The following EPSTI1 variants were observed in gnomAD, a reference collection of about 807,000 sequenced individuals.
The protein encoded by EPSTI1 is epithelial stromal interaction 1, also known as epithelial-stromal interaction protein 1.
Under a neutral mutation model 49.9 loss-of-function variants are expected in EPSTI1, and 66 were observed. The ratio of observed to expected loss-of-function variants is 1.32; its 90% CI spans 1.08 to 1.62. The LOEUF is 1.62. Ranked by LOEUF, EPSTI1 falls within the 40% of genes most tolerant of loss-of-function variation. EPSTI1 has a pLI of 0.00. For synonymous variants in EPSTI1, 137 were observed against 130.7 expected (o/e 1.05, Z -0.33); for missense variants, 394 against 365.5 (o/e 1.08, Z -0.64).
intron 8 of EPSTI1, among the ~76,000 whole-genome samples, chr13:42,910,253 A>G (rs2037627218): frequency 1.5e-5 from 2 of 135,066 alleles, no homozygotes; most frequent in African/African-American, 5.4e-5. Context: ...TTTTTTAACC[A>G]AATCTTTTTT....
intron 8 of EPSTI1, among the ~76,000 whole-genome samples, chr13:42,910,278 T>TG (rs1467610544): frequency 2.1e-4 from 25 of 116,852 alleles, no homozygotes; most frequent in Non-Finnish European, 2.6e-4. Context: ...TTTTTTTTTT[T>TG]GGAACAGAGT....
intron 6 of EPSTI1, among the ~76,000 whole-genome samples, chr13:42,950,678 C>T (rs1012184124): frequency 2.0e-5 from 3 of 152,170 alleles, no homozygotes; most frequent in African/African-American, 4.8e-5. Flanking sequence ...AATACCATTC[C>T]TGGTTTGCTG....
At chr13:42,941,244 A>G (rs1224460125) in intron 6 of EPSTI1, among the ~76,000 whole-genome samples, 2 of 152,204 alleles carry the variant, frequency 1.3e-5, no homozygotes, top group Admixed American at 1.3e-4. Context: ...ACTTTCATTC[A>G]TAGTTGAAGT....
chr13:42,992,237 A>C lies in EPSTI1; in HGVS notation c.-72T>G, dbSNP rs3825511. ...GCGGCTGGGACGCTTAGCGAGTCTC[A>C]AGATGGGATTCCAAAGTGCAGAGGC... On this transcript the variant is annotated 5_prime_UTR_variant, in exon 1 of 11. Coordinates refer to ENST00000313624, the MANE Select transcript of EPSTI1 (RefSeq NM_033255.5). The C allele has an allele frequency of 0.7, 1,013,805 of 1,444,290 alleles. 362,989 individuals carry two copies. Among genetic ancestry groups the C allele is most frequent in the Non-Finnish European group, 0.74 (806,452 of 1,091,358 alleles). 89.5% of individuals were successfully genotyped at this position (1,444,290 alleles called of 1,614,324 possible). A position where few individuals can be genotyped will look rare whatever the true frequency, so the allele number is the denominator to read the frequency against.
chr13:42,968,919 A>AAAACACACACACAC (rs1417855910), intron 3 of EPSTI1, among the ~76,000 whole-genome samples, 175 bp downstream of exon 3: 1 of 54,416 alleles, frequency 1.8e-5, no homozygotes, highest in African/African-American at 6.5e-5. Context: ...AAAAAAAAAA[A>AAAACACACACACAC]ATACACACAC....
rs2040084382 is a variant in EPSTI1 at position 42,986,655 on chromosome 13, G to T, written c.188+5323C>A. ...AGCTACTTGGGAGGCTGAGGCAGGA[G>T]AATTGCTTGAATCTGGGAGGCAGAG... On this transcript the variant is annotated intron_variant, in intron 1 of 10. Coordinates refer to ENST00000313624, the MANE Select transcript of EPSTI1 (RefSeq NM_033255.5). Among the ~76,000 whole-genome samples the T allele has an allele frequency of 2.8e-5, 4 of 144,968 alleles. No individual in the cohort carries two copies. The South Asian group carries it at 6.6e-4, about 24-fold the overall frequency.
intron 1 of EPSTI1, among the ~76,000 whole-genome samples, chr13:42,977,439 C>T (rs2039901939): frequency 6.6e-6 from 1 of 152,204 alleles, no homozygotes. Context: ...GAAATTGAGA[C>T]ATAAGTGGAA....
At chr13:42,896,021 G>A (rs569504782) in intron 9 of EPSTI1, among the ~76,000 whole-genome samples, 3 of 152,284 alleles carry the variant, frequency 2.0e-5, no homozygotes, top group African/African-American at 7.2e-5. Context: ...GCCAGTGACT[G>A]TGGGAGATTA....
At chr13:42,912,100 C>G (rs1339397549) in intron 8 of EPSTI1, among the ~76,000 whole-genome samples, 1 of 152,010 alleles carries the variant, frequency 6.6e-6, no homozygotes, top group Non-Finnish European at 1.5e-5. Flanking sequence ...ACTATAAAAC[C>G]AATAACCATG....
chr13:42,963,977 G>T (rs563190826), intron 4 of EPSTI1, 89 bp downstream of exon 4: 3 of 1,166,592 alleles, frequency 2.6e-6, no homozygotes, highest in Non-Finnish European at 2.4e-6. Context: ...TATACTTTTG[G>T]TAAAGTTACT....
At chr13:42,962,688 G>T (rs79525409) in intron 5 of EPSTI1, among the ~76,000 whole-genome samples, 1 of 151,868 alleles carries the variant, frequency 6.6e-6, no homozygotes, top group Non-Finnish European at 1.5e-5. Context: ...GCTGAGGTGG[G>T]AGGACTGCCT....
At chr13:42,946,897 A>T (rs2038933597) in intron 6 of EPSTI1, among the ~76,000 whole-genome samples, 1 of 152,176 alleles carries the variant, frequency 6.6e-6, no homozygotes, top group African/African-American at 2.4e-5. Flanking sequence ...ATGCCTGATG[A>T]TCTGAGGTGG....
intron 8 of EPSTI1, among the ~76,000 whole-genome samples, chr13:42,907,751 A>G (rs183550156): frequency 6.6e-6 from 1 of 152,260 alleles, no homozygotes; most frequent in South Asian, 2.1e-4. Context: ...ATTGAAATTT[A>G]TTACTAGAAT....
rs912226140 is a variant in EPSTI1 at position 42,893,443 on chromosome 13, T to G, written c.915+1566A>C. ...AACTTCCCAGGTTTCTCTTGCTGCTTCTTTTAAGTAAGGAAAGCACTGATA... is the reference window on the plus strand; with the variant it reads ...AACTTCCCAGGTTTCTCTTGCTGCTGCTTTTAAGTAAGGAAAGCACTGATA... On this transcript the variant is annotated intron_variant, in intron 10 of 10. Transcript: ENST00000313624. Among the ~76,000 whole-genome samples, 326 of 152,304 alleles carry G rather than the reference T, an allele frequency of 2.1e-3. 9 individuals carry two copies. Among genetic ancestry groups the G allele is most frequent in the Non-Finnish European group, 6.5e-4 (44 of 68,020 alleles).
At chr13:42,921,271 A>G (rs1020563121) in intron 7 of EPSTI1, among the ~76,000 whole-genome samples, 7 of 152,218 alleles carry the variant, frequency 4.6e-5, no homozygotes, top group African/African-American at 1.7e-4. Context: ...TCCTTCATAT[A>G]AAGCCTGAAA....
rs925301172 is a variant in EPSTI1, at chr13:42,939,447, T to C, written c.564-13018A>G. Among the ~76,000 whole-genome samples the C allele has an allele frequency of 3.3e-5, 5 of 152,326 alleles. No individual in the cohort carries two copies. In the South Asian group the frequency reaches 1.0e-3, roughly 32 times the overall value. On this transcript the variant is annotated intron_variant, in intron 6 of 10. Coordinates refer to ENST00000313624, the MANE Select transcript of EPSTI1 (RefSeq NM_033255.5). ...AAATGAGAGACATGTGATATTTCCT[T>C]TTACTTGAATGCTTATGGGCCATTG... is the stretch of plus-strand genomic sequence containing the variant.
chr13:42,911,052 T>C (rs1486420111), intron 8 of EPSTI1, among the ~76,000 whole-genome samples: 1 of 152,238 alleles, frequency 6.6e-6, no homozygotes, highest in East Asian at 1.9e-4. Context: ...ACCTATCCTA[T>C]TGCAGTGATA....
intron 1 of EPSTI1, among the ~76,000 whole-genome samples, chr13:42,980,897 T>C (rs559597015): frequency 9.1e-4 from 138 of 152,326 alleles, no homozygotes; most frequent in African/African-American, 3.2e-3. Context: ...CAGAGAAACA[T>C]ATTCTGAAGA....
intron 8 of EPSTI1, among the ~76,000 whole-genome samples, chr13:42,908,482 A>AT (rs1178228141): frequency 2.7e-5 from 3 of 109,512 alleles, no homozygotes; most frequent in African/African-American, 2.9e-5. Context: ...AGACTCTGTT[A>AT]TGAAAAAAAA....
Sources: gnomAD v4.1 joint callset for allele counts (sites outside exome capture counted in the v4.1 genomes callset) on GRCh38, gnomAD v4.1.1 for gene constraint, MANE v1.5 for transcripts, NCBI Gene and HGNC (gene_info 2026-07-23, HGNC 2026-07-21) for gene names.